The following KCNH5 variants were observed in gnomAD, a reference collection of about 807,000 sequenced individuals.
KCNH5 encodes potassium voltage-gated channel subfamily H member 5, also known as voltage-gated delayed rectifier potassium channel KCNH5.
In KCNH5, 46 loss-of-function variants were observed where a neutral mutation model predicts 96.1. The observed-to-expected ratio is 0.48, with a 90% CI of 0.38 to 0.61. KCNH5 has a LOEUF of 0.61. KCNH5 is among the 20% of genes least tolerant of loss of function. The pLI is 0.00. For synonymous variants in KCNH5, 439 were observed against 449.8 expected (o/e 0.98, Z 0.30); for missense variants, 907 against 1,225.8 (o/e 0.74, Z 3.88).
intron 9 of KCNH5, among the ~76,000 whole-genome samples, chr14:62,781,396 T>C (rs1886209511): frequency 6.6e-6 from 1 of 152,206 alleles, no homozygotes; most frequent in Admixed American, 6.5e-5. Flanking sequence ...TAACATCTTA[T>C]CAGGAGACAG....
At chr14:62,786,973 C>T (rs1886332722) in intron 9 of KCNH5, among the ~76,000 whole-genome samples, 3 of 152,082 alleles carry the variant, frequency 2.0e-5, no homozygotes, top group South Asian at 4.1e-4. Context: ...ACAATAATAT[C>T]GAAATTAGGC....
At chr14:62,758,366 C>G (rs749677480) in intron 10 of KCNH5, among the ~76,000 whole-genome samples, 1 of 151,938 alleles carries the variant, frequency 6.6e-6, no homozygotes, top group Admixed American at 6.6e-5. Context: ...ATCCCAGAAA[C>G]CCCATAATAC....
At chr14:62,865,994 C>G (rs1054460298) in intron 7 of KCNH5, among the ~76,000 whole-genome samples, 1 of 152,168 alleles carries the variant, frequency 6.6e-6, no homozygotes, top group Non-Finnish European at 1.5e-5. Flanking sequence ...TCATCGTCAT[C>G]TAACTAGAAC....
intron 10 of KCNH5, chr14:62,712,460 G>A (rs982839177): frequency 1.7e-6 from 1 of 591,160 alleles, no homozygotes; most frequent in African/African-American, 1.9e-5. Context: ...TTTTATCACA[G>A]AGAAGCAAAT....
chr14:62,868,135 C>T (rs911370339), intron 7 of KCNH5, among the ~76,000 whole-genome samples: 1 of 152,180 alleles, frequency 6.6e-6, no homozygotes, highest in Non-Finnish European at 1.5e-5. Context: ...AAATCCTGAC[C>T]CTCTATGCCT....
At chr14:62,992,715 G>C (rs533061077) in intron 4 of KCNH5, among the ~76,000 whole-genome samples, 1 of 152,054 alleles carries the variant, frequency 6.6e-6, no homozygotes, top group South Asian at 2.1e-4. Context: ...CTAGATATTA[G>C]TCCTCTGTTG....
chr14:62,976,010 T>C (rs1277766982), intron 6 of KCNH5, among the ~76,000 whole-genome samples: 1 of 151,252 alleles, frequency 6.6e-6, no homozygotes, highest in Non-Finnish European at 1.5e-5. Flanking sequence ...AAAAGCATTA[T>C]TAGGGACAAA....
At chr14:62,829,122 G>A (rs1047767018) in intron 8 of KCNH5, among the ~76,000 whole-genome samples, 1 of 152,238 alleles carries the variant, frequency 6.6e-6, no homozygotes, top group South Asian at 2.1e-4. Flanking sequence ...GAAAAGTGTG[G>A]GCTCCCAAGG....
chr14:62,794,416 A>G (rs1178029225), intron 9 of KCNH5, among the ~76,000 whole-genome samples: 1 of 151,720 alleles, frequency 6.6e-6, no homozygotes, highest in African/African-American at 2.4e-5. Flanking sequence ...TTGATGGGTA[A>G]AAGCATGCAC....
intron 8 of KCNH5, among the ~76,000 whole-genome samples, chr14:62,807,866 T>A (rs540176006): frequency 3.3e-5 from 5 of 152,206 alleles, no homozygotes; most frequent in Non-Finnish European, 4.4e-5. Flanking sequence ...TGTTGTACAA[T>A]TTAAAGGTTG....
intron 7 of KCNH5, among the ~76,000 whole-genome samples, chr14:62,878,905 T>C (rs548933645): frequency 7.2e-5 from 11 of 152,266 alleles, no homozygotes; most frequent in African/African-American, 2.6e-4. Flanking sequence ...ATACTAGTCG[T>C]ACTAGATTAG....
In KCNH5 at chr14:62,908,782, A is replaced by ATTTTTTTTTTTTT. The variant is rs71120241; in HGVS notation, c.1369+41338_1369+41350dup. On this transcript the variant is annotated intron_variant, in intron 7 of 10. Transcript: ENST00000322893. ...TTGCCCTTTGTTGATTTTGCTTTGT[A>ATTTTTTTTTTTTT]TTTTTTTTTTTTTTTTTTTTTTTTT... Among the ~76,000 whole-genome samples, 57 of 23,718 alleles carry ATTTTTTTTTTTTT rather than the reference A, an allele frequency of 2.4e-3. 8 individuals are homozygous for ATTTTTTTTTTTTT. Among genetic ancestry groups the ATTTTTTTTTTTTT allele is most frequent in the Non-Finnish European group, 2.9e-3 (42 of 14,346 alleles). The allele number at this position is 23,718 out of a possible 152,430, so 15.6% of individuals were successfully genotyped here.
intron 7 of KCNH5, among the ~76,000 whole-genome samples, chr14:62,914,358 T>A (rs1420659531): frequency 6.6e-6 from 1 of 152,170 alleles, no homozygotes; most frequent in Non-Finnish European, 1.5e-5. Context: ...AAAGATTCTG[T>A]ATCATCATAG....
chr14:62,771,693 A>T (rs969399828), intron 10 of KCNH5, among the ~76,000 whole-genome samples: 2 of 152,180 alleles, frequency 1.3e-5, no homozygotes, highest in African/African-American at 2.4e-5. Context: ...TGAAGCCACA[A>T]TGGAAGCAAT....
chr14:62,812,733 T>G (rs1886897965), intron 8 of KCNH5, among the ~76,000 whole-genome samples: 1 of 152,110 alleles, frequency 6.6e-6, no homozygotes, highest in African/African-American at 2.4e-5. Flanking sequence ...TTTTAATATT[T>G]ATTATATAAA....
intron 6 of KCNH5, among the ~76,000 whole-genome samples, chr14:62,980,509 T>C (rs1032406896): frequency 4.6e-5 from 7 of 152,212 alleles, no homozygotes; most frequent in Non-Finnish European, 2.9e-5. Flanking sequence ...AATGTGGTTT[T>C]TGCCATTAAA....
chr14:62,939,524 T>C (rs372155468), intron 7 of KCNH5, among the ~76,000 whole-genome samples: 42 of 152,326 alleles, frequency 2.8e-4, no homozygotes, highest in African/African-American at 9.6e-4. Flanking sequence ...TTTCCTATTT[T>C]AGAAAAAAGC....
chr14:63,040,198 A>G (rs1420083790), intron 1 of KCNH5, among the ~76,000 whole-genome samples: 5 of 152,170 alleles, frequency 3.3e-5, no homozygotes, highest in Non-Finnish European at 7.4e-5. Context: ...TTCTATTAAA[A>G]ATAATGTTTA....
At chr14:62,828,962 G>T (rs1887284336) in intron 8 of KCNH5, among the ~76,000 whole-genome samples, 1 of 152,134 alleles carries the variant, frequency 6.6e-6, no homozygotes, top group African/African-American at 2.4e-5. Context: ...TTGGGTAAAT[G>T]CTCCCACTCC....
Sources: allele counts gnomAD v4.1 joint callset (sites outside exome capture counted in the v4.1 genomes callset), GRCh38; gene constraint gnomAD v4.1.1; transcripts MANE v1.5; gene names NCBI Gene and HGNC (gene_info 2026-07-23, HGNC 2026-07-21).